BLK: variants seen among roughly 807,000 people sequenced by gnomAD.
The protein encoded by BLK is BLK proto-oncogene, Src family tyrosine kinase.
BLK carries 64 observed loss-of-function variants against 61.8 expected under a neutral mutation model. That is an observed-to-expected ratio of 1.03 (90% CI 0.85 to 1.27). The LOEUF (loss-of-function observed/expected upper bound fraction) is 1.27, where lower values mean the gene tolerates loss of function less well. BLK is among the 50% of genes most tolerant of loss of function. The probability of loss-of-function intolerance (pLI) is 0.00; values close to 1 mark genes in which losing one functional copy is unlikely to be tolerated. For synonymous variants in BLK, 351 were observed against 272.0 expected (o/e 1.29, Z -2.86); for missense variants, 853 against 660.5 (o/e 1.29, Z -3.19).
In BLK at chr8:11,554,891, T is replaced by C. The variant is rs1198605977; in HGVS notation, c.619+2T>C. 1.2e-6 allele frequency: 2 copies of C among 1,612,572 alleles called. No homozygotes were observed. The highest frequency in any genetic ancestry group is 2.2e-5 in the South Asian group (2 of 91,044). Reference sequence around the variant, plus strand: ...AGGCCCTGGTGCAGCACTATTCTAGTAAGAGGGGGCGTGCAATGGGGGCAG... The same window carrying C: ...AGGCCCTGGTGCAGCACTATTCTAGCAAGAGGGGGCGTGCAATGGGGGCAG... On this transcript the variant is annotated splice_donor_variant, in intron 7 of 12. Transcript: ENST00000259089. LOFTEE classifies it high-confidence loss of function.
intron 1 of BLK, among the ~76,000 whole-genome samples, chr8:11,517,217 G>A (rs1281095727): frequency 6.6e-6 from 1 of 152,226 alleles, no homozygotes; most frequent in Non-Finnish European, 1.5e-5. Context: ...CCAAGGCAGA[G>A]AGATGTCCAT....
chr8:11,551,178 T>C (rs975561686), intron 6 of BLK, among the ~76,000 whole-genome samples: 1 of 152,222 alleles, frequency 6.6e-6, no homozygotes, highest in African/African-American at 2.4e-5. Context: ...TCAGCAGTGT[T>C]TGTGGGATTC....
chr8:11,528,265 G>C (rs1191792091), intron 1 of BLK, among the ~76,000 whole-genome samples: 1 of 152,110 alleles, frequency 6.6e-6, no homozygotes, highest in Non-Finnish European at 1.5e-5. Context: ...TAGAACTCCT[G>C]AGCTCAAGTG....
At chr8:11,553,485 G>T in intron 6 of BLK, 1 of 387,056 alleles carries the variant, frequency 2.6e-6, no homozygotes. Flanking sequence ...GAGCAGCCAG[G>T]CAAGTGAGGG....
At chr8:11,558,590 G>A (rs566756128) in intron 10 of BLK, 18 of 451,866 alleles carry the variant, frequency 4.0e-5, no homozygotes, top group South Asian at 2.5e-4. Context: ...TGCCACCAGG[G>A]AATTGCGAGT....
At chr8:11,496,999 C>A (rs934404981) in intron 1 of BLK, among the ~76,000 whole-genome samples, 8 of 152,022 alleles carry the variant, frequency 5.3e-5, no homozygotes, top group Admixed American at 2.0e-4. Flanking sequence ...GCAGGGTTCA[C>A]GTGTATAGAG....
chr8:11,530,266 G>C (rs576980336), intron 1 of BLK, among the ~76,000 whole-genome samples: 9 of 152,080 alleles, frequency 5.9e-5, no homozygotes, highest in Non-Finnish European at 1.2e-4. Context: ...TGTATGAATT[G>C]GGTGAATTCC....
At chr8:11,562,793 T>G (rs568092924) in intron 11 of BLK, among the ~76,000 whole-genome samples, 186 bp from the exon 12 acceptor site, 37 of 152,348 alleles carry the variant, frequency 2.4e-4, no homozygotes, top group African/African-American at 8.2e-4. Flanking sequence ...ATGTCGTGTC[T>G]GCACTCACCT....
intron 5 of BLK, 48 bp from the exon 6 acceptor site, chr8:11,550,111 C>T (rs373950680): frequency 3.6e-5 from 55 of 1,534,860 alleles, no homozygotes; most frequent in African/African-American, 9.6e-5. Context: ...GGGAATACTC[C>T]GAGGAGCAGG....
chr8:11,560,847 GC>G (rs1230534294), intron 10 of BLK: 3 of 459,614 alleles, frequency 6.5e-6, no homozygotes, highest in African/African-American at 6.0e-5. Flanking sequence ...AGGTTAAGCA[GC>G]TTGCTAGAGG....
At chr8:11,562,794 G>A (rs535747131) in intron 11 of BLK, among the ~76,000 whole-genome samples, 185 bp from the exon 12 acceptor site, 14 of 152,338 alleles carry the variant, frequency 9.2e-5, no homozygotes, top group Admixed American at 3.3e-4. Context: ...TGTCGTGTCT[G>A]CACTCACCTG....
At chr8:11,536,632 C>T (rs1800144240) in intron 1 of BLK, among the ~76,000 whole-genome samples, 1 of 152,050 alleles carries the variant, frequency 6.6e-6, no homozygotes. Flanking sequence ...GGTCTCAAAC[C>T]CCTGACCTCA....
chr8:11,561,904 C>T (rs1234647081), intron 11 of BLK, among the ~76,000 whole-genome samples: 4 of 151,974 alleles, frequency 2.6e-5, no homozygotes, highest in South Asian at 2.1e-4. Context: ...CTGCAACCTC[C>T]GCCTCCTGGG....
rs1554448025 is a variant in BLK at position 11,535,324 on chromosome 8, G to GAAAGAA, written c.-1-7899_-1-7898insAAGAAA. Among the ~76,000 whole-genome samples, 118 of 113,350 alleles carry GAAAGAA rather than the reference G, an allele frequency of 1.0e-3. 1 individual carries two copies. The highest frequency in any genetic ancestry group is 2.4e-3 in the South Asian group (7 of 2,868). The allele number at this position is 113,350 out of a possible 152,430, so 74.4% of individuals were successfully genotyped here. ...AGAAAGAAAGAAAGAAAGAAAGAAAGAGAAGGAAAAGGGAAGGGAAGGAAG... is the reference window on the plus strand; with the variant it reads ...AGAAAGAAAGAAAGAAAGAAAGAAAGAAAGAAAGAAGGAAAAGGGAAGGGAAGGAAG... On this transcript the variant is annotated intron_variant, in intron 1 of 12. Transcript: ENST00000259089.
chr8:11,561,292 GT>G lies in BLK; in HGVS notation c.1030-8del, dbSNP rs773325977. ...CCAGGCTGTCCTTCACCATGTGCCTGTTCCCTCAGATTGCTGAAGGGATGGC... is the reference window on the plus strand; with the variant it reads ...CCAGGCTGTCCTTCACCATGTGCCTGTCCCTCAGATTGCTGAAGGGATGGC... On this transcript the variant is annotated splice_polypyrimidine_tract_variant and intron_variant, in intron 10 of 12. Coordinates refer to ENST00000259089, the MANE Select transcript of BLK (RefSeq NM_001715.3). 1.2e-6 allele frequency: 2 copies of G among 1,612,200 alleles called. No homozygotes were observed. The highest frequency in any genetic ancestry group is 1.7e-6 in the Non-Finnish European group (2 of 1,179,134).
chr8:11,510,080 A>G (rs1029907277), intron 1 of BLK, among the ~76,000 whole-genome samples: 9 of 152,210 alleles, frequency 5.9e-5, no homozygotes, highest in Admixed American at 3.3e-4. Context: ...TTGTATCACC[A>G]TAGCAGGTGA....
At chr8:11,503,697 C>A (rs1280273279) in intron 1 of BLK, among the ~76,000 whole-genome samples, 1 of 152,184 alleles carries the variant, frequency 6.6e-6, no homozygotes, top group African/African-American at 2.4e-5. Flanking sequence ...CACCTGCTCT[C>A]TTGGTCACCA....
chr8:11,543,723 G>A (rs1800493731), intron 2 of BLK, among the ~76,000 whole-genome samples: 1 of 152,180 alleles, frequency 6.6e-6, no homozygotes, highest in African/African-American at 2.4e-5. Context: ...CAAAGAGCCT[G>A]CTTTCCTGGG....
At chr8:11,562,842 A>G in intron 11 of BLK, 137 bp from the exon 12 acceptor site, 1 of 1,189,878 alleles carries the variant, frequency 8.4e-7, no homozygotes, top group Non-Finnish European at 1.2e-6. Flanking sequence ...CTCCCCCGCC[A>G]TGCCTGGCCG....
Sources: gnomAD v4.1 joint callset for allele counts (sites outside exome capture counted in the v4.1 genomes callset) on GRCh38, gnomAD v4.1.1 for gene constraint, MANE v1.5 for transcripts, NCBI Gene and HGNC (gene_info 2026-07-23, HGNC 2026-07-21) for gene names.